The following CANX variants were observed in gnomAD, a reference collection of about 807,000 sequenced individuals.
CANX encodes the protein calnexin, also known as epididymis secretory sperm binding protein.
CANX carries 14 observed loss-of-function variants against 75.7 expected under a neutral mutation model. That is an observed-to-expected ratio of 0.19 (90% CI 0.12 to 0.29). The LOEUF (loss-of-function observed/expected upper bound fraction) is 0.29, where lower values mean the gene tolerates loss of function less well. Ranked by LOEUF, CANX falls within the 10% of genes least tolerant of loss-of-function variation. The probability of loss-of-function intolerance (pLI) is 1.00; values close to 1 mark genes in which losing one functional copy is unlikely to be tolerated. For synonymous variants in CANX, 227 were observed against 236.9 expected, an observed-to-expected ratio of 0.96 and a Z score of 0.38; for missense variants, 567 against 713.2, an observed-to-expected ratio of 0.79 and a Z score of 2.34.
intron 1 of CANX, among the ~76,000 whole-genome samples, chr5:179,701,329 TCA>T (rs1491320407): frequency 2.0e-5 from 3 of 152,070 alleles, no homozygotes; most frequent in Non-Finnish European, 4.4e-5. Flanking sequence ...ACGGTGGCTC[TCA>T]CGCCTGTAGT....
chr5:179,681,247 G>A (rs1453363753), intron 1 of CANX, among the ~76,000 whole-genome samples: 1 of 152,188 alleles, frequency 6.6e-6, no homozygotes, highest in East Asian at 1.9e-4. Flanking sequence ...TCACTGAGCT[G>A]TCATTCTTGG....
chr5:179,698,531 T>G (rs1459853228), upstream of CANX: 1 of 1,289,410 alleles, frequency 7.8e-7, no homozygotes, highest in Non-Finnish European at 1.0e-6. Context: ...CTACCCCTTT[T>G]GCCGGCTGCC....
chr5:179,679,166 G>A, intron 1 of CANX: 6 of 1,535,376 alleles, frequency 3.9e-6, no homozygotes, highest in Non-Finnish European at 5.2e-6. Context: ...GGGCACGCAG[G>A]TGCTCGAAGG....
chr5:179,722,085 C>T lies in CANX; in HGVS notation c.1183-719C>T, dbSNP rs558057193. Among the ~76,000 whole-genome samples the T allele has an allele frequency of 6.2e-4, 95 of 152,280 alleles. 1 individual carries two copies. The highest frequency in any genetic ancestry group is 6.8e-3 in the Middle Eastern group (2 of 294). On this transcript the variant is annotated intron_variant, in intron 10 of 14. Coordinates refer to ENST00000247461, the MANE Select transcript of CANX (RefSeq NM_001746.4). ...GTGGCTCACGCCTATAATCCCAGCA[C>T]TTGAGAGGCTGAGGTGGGTGGATCA... is the stretch of plus-strand genomic sequence containing the variant.
chr5:179,698,402 C>G (rs1212108334), upstream of CANX: 5 of 1,232,468 alleles, frequency 4.1e-6, no homozygotes, highest in East Asian at 3.0e-4. Context: ...GGCGCCGGCT[C>G]ACACAGCGCG....
chr5:179,724,295 C>A (rs1041957487), intron 12 of CANX, among the ~76,000 whole-genome samples: 1 of 151,912 alleles, frequency 6.6e-6, no homozygotes, highest in Non-Finnish European at 1.5e-5. Context: ...TCTACTTCTG[C>A]TAAATGAGGA....
At chr5:179,683,654 C>T (rs376516899) in intron 1 of CANX, among the ~76,000 whole-genome samples, 18 of 152,090 alleles carry the variant, frequency 1.2e-4, no homozygotes, top group African/African-American at 3.9e-4. Context: ...CTGTCTCAGC[C>T]TCCCAAGTAG....
chr5:179,698,438 G>A (rs2113071805), upstream of CANX: 1 of 1,285,046 alleles, frequency 7.8e-7, no homozygotes, highest in Admixed American at 2.3e-5. Flanking sequence ...ATCCGGCCAG[G>A]CGCTCGCGCT....
upstream of CANX, among the ~76,000 whole-genome samples, chr5:179,697,812 C>T (rs912436220): frequency 2.6e-5 from 4 of 152,050 alleles, no homozygotes; most frequent in Admixed American, 1.3e-4. Context: ...CGCTTGAACC[C>T]GGGAGGCGGA....
intron 12 of CANX, among the ~76,000 whole-genome samples, chr5:179,724,382 T>C (rs1778510984): frequency 6.6e-6 from 1 of 152,218 alleles, no homozygotes; most frequent in Admixed American, 6.5e-5. Flanking sequence ...TCTGCCACTA[T>C]TCTGTGTATC....
chr5:179,712,093 G>A (rs970675182), intron 7 of CANX, among the ~76,000 whole-genome samples: 39 of 133,454 alleles, frequency 2.9e-4, no homozygotes, highest in East Asian at 6.7e-4. Flanking sequence ...GTGAGACTCC[G>A]TCCCCCACTC....
At chr5:179,724,553 C>G (rs1198369559) in intron 12 of CANX, 104 bp from the exon 13 acceptor site, 1 of 873,150 alleles carries the variant, frequency 1.1e-6, no homozygotes, top group African/African-American at 1.7e-5. Context: ...GTATATCTAT[C>G]CCTGTATACA....
intron 1 of CANX, among the ~76,000 whole-genome samples, chr5:179,691,411 TA>T (rs1423189840): frequency 6.6e-6 from 1 of 151,868 alleles, no homozygotes; most frequent in East Asian, 1.9e-4. Context: ...CCAAGCTGAG[TA>T]AAAAAGTGAG....
Position 179,722,800 on chromosome 5 carries a change from C to T in CANX, c.1183-4C>T. On this transcript the variant is annotated splice_region_variant and splice_polypyrimidine_tract_variant and intron_variant, in intron 10 of 14. Coordinates refer to ENST00000247461, the MANE Select transcript of CANX (RefSeq NM_001746.4). ...ATGATTTTCTGAAACATTTTTTTTT[C>T]TAGGGAATCTGGAAACCCAGGAAAA... 2.5e-6 allele frequency: 4 copies of T among 1,573,536 alleles called. No homozygotes were observed. Among genetic ancestry groups the T allele is most frequent in the Admixed American group, 1.8e-5 (1 of 55,518 alleles).
chr5:179,680,060 G>A (rs911653675), intron 1 of CANX, among the ~76,000 whole-genome samples: 49 of 139,732 alleles, frequency 3.5e-4, no homozygotes, highest in African/African-American at 9.4e-4. Context: ...TGATCTGCCC[G>A]CCTCAGCGCC....
chr5:179,688,332 C>T (rs954324451), intron 1 of CANX, among the ~76,000 whole-genome samples: 7 of 145,608 alleles, frequency 4.8e-5, no homozygotes, highest in African/African-American at 1.8e-4. Context: ...GGATTACGAG[C>T]GTGAGCGACG....
In CANX at chr5:179,730,479, C is replaced by T. The variant is rs1011179324; in HGVS notation, c.*1835C>T. Reference sequence around the variant, plus strand: ...CTGAAAATATGTCTGCAGGTTTCTCCTTGAAGCAAATGTGTGGGATCATTG... The same window carrying T: ...CTGAAAATATGTCTGCAGGTTTCTCTTTGAAGCAAATGTGTGGGATCATTG... On this transcript the variant is annotated 3_prime_UTR_variant, in exon 15 of 15. Coordinates refer to ENST00000247461, the MANE Select transcript of CANX (RefSeq NM_001746.4). 6.6e-6 allele frequency: 1 copy of T among 152,186 alleles called. No individual in the cohort carries two copies. Among genetic ancestry groups the T allele is most frequent in the Non-Finnish European group, 1.5e-5 (1 of 68,042 alleles). The allele number at this position is 152,186 out of a possible 1,614,324, so 9.4% of individuals were successfully genotyped here.
At position 179,728,839 on chromosome 5, in the gene CANX, AC is replaced by A; in HGVS notation, c.*198del. 1.5e-6 allele frequency: 1 copy of A among 678,194 alleles called. No individual in the cohort carries two copies. The highest frequency in any genetic ancestry group is 2.9e-5 in the East Asian group (1 of 34,902). The allele number at this position is 678,194 out of a possible 1,614,324, so 42.0% of individuals were successfully genotyped here. A position where few individuals can be genotyped will look rare whatever the true frequency, so the allele number is the denominator to read the frequency against. ...AATACTTGCAGTTGTGATATAAAGG[AC>A]CCTGTTTCTGTAGAAAAGAAAACAT... On this transcript the variant is annotated 3_prime_UTR_variant, in exon 15 of 15. Transcript: ENST00000247461.
chr5:179,680,981 G>A, intron 1 of CANX: 1 of 1,413,686 alleles, frequency 7.1e-7, no homozygotes, highest in Non-Finnish European at 9.6e-7. Flanking sequence ...CTCACTGTAT[G>A]TTGTGCCTCA....
Sources: allele counts gnomAD v4.1 joint callset (sites outside exome capture counted in the v4.1 genomes callset), GRCh38; gene constraint gnomAD v4.1.1; transcripts MANE v1.5; gene names NCBI Gene and HGNC (gene_info 2026-07-23, HGNC 2026-07-21).